Variants in EBF2 observed in about 807,000 individuals in gnomAD.
EBF2 encodes EBF transcription factor 2.
A neutral mutation model predicts 72.8 loss-of-function variants in EBF2; 21 were observed. The ratio of observed to expected loss-of-function variants is 0.29; its 90% CI spans 0.20 to 0.42. EBF2 has a LOEUF of 0.42. Among genes scored for constraint, EBF2 ranks in the 10% least tolerant of loss-of-function variants. The pLI is 1.00. For missense variants in EBF2, 637 were observed against 731.2 expected (o/e 0.87, Z 1.49); for synonymous variants, 299 against 274.2 (o/e 1.09, Z -0.89).
chr8:26,040,389 C>A (rs1249210441), intron 4 of EBF2, among the ~76,000 whole-genome samples: 1 of 151,992 alleles, frequency 6.6e-6, no homozygotes, highest in Non-Finnish European at 1.5e-5. Flanking sequence ...CCTCTTACTG[C>A]CCCCAGGGTT....
At chr8:25,975,137 A>G (rs947946290) in intron 6 of EBF2, among the ~76,000 whole-genome samples, 4 of 152,176 alleles carry the variant, frequency 2.6e-5, no homozygotes, top group Non-Finnish European at 4.4e-5. Context: ...GAAACTTCAC[A>G]TCCTGGCCTC....
In EBF2 at chr8:26,005,269, ATATATATAATTATATAAT is replaced by A. The variant is rs1563205495; in HGVS notation, c.551+27798_551+27815del. 3.1e-3 allele frequency among the ~76,000 whole-genome samples: 9 copies of A among 2,902 alleles called. 1 individual carries two copies. The highest frequency in any genetic ancestry group is 9.4e-3 in the Admixed American group (1 of 106). 1.9% of individuals were successfully genotyped at this position (2,902 alleles called of 152,430 possible). ...TACATTTTATTATATATAATATATAATATATATAATTATATAATTATATAATTATATATAATTATATAT... is the reference window on the plus strand; with the variant it reads ...TACATTTTATTATATATAATATATAATATATAATTATATATAATTATATAT... On this transcript the variant is annotated intron_variant, in intron 6 of 15. Coordinates refer to ENST00000520164, the MANE Select transcript of EBF2 (RefSeq NM_022659.4).
At chr8:25,899,499 A>G (rs1195456770) in intron 7 of EBF2, among the ~76,000 whole-genome samples, 1 of 152,188 alleles carries the variant, frequency 6.6e-6, no homozygotes, top group African/African-American at 2.4e-5. Context: ...AGCTGTATTA[A>G]ATTTTTACCA....
At chr8:25,905,043 T>C (rs772616824) in intron 7 of EBF2, among the ~76,000 whole-genome samples, 5 of 152,142 alleles carry the variant, frequency 3.3e-5, no homozygotes, top group African/African-American at 7.2e-5. Flanking sequence ...AGGATTTAAA[T>C]AGACACTTCC....
chr8:25,970,598 G>A (rs1044492214), intron 6 of EBF2, among the ~76,000 whole-genome samples: 1 of 151,910 alleles, frequency 6.6e-6, no homozygotes, highest in East Asian at 1.9e-4. Context: ...TATGTTATTC[G>A]GTTGCATGAC....
intron 6 of EBF2, among the ~76,000 whole-genome samples, chr8:25,938,599 A>G (rs1052579919): frequency 6.6e-6 from 1 of 152,172 alleles, no homozygotes; most frequent in African/African-American, 2.4e-5. Flanking sequence ...CCTTAATGAA[A>G]GGCATAATTC....
At chr8:26,043,932 C>G (rs2117270258) in intron 1 of EBF2, among the ~76,000 whole-genome samples, 1 of 152,260 alleles carries the variant, frequency 6.6e-6, no homozygotes, top group East Asian at 1.9e-4. Context: ...TATCCCAGCA[C>G]GCAGACGCCT....
intron 5 of EBF2, among the ~76,000 whole-genome samples, chr8:26,038,939 G>A (rs1391703785): frequency 5.3e-5 from 8 of 152,318 alleles, no homozygotes; most frequent in African/African-American, 1.9e-4. Flanking sequence ...ATTACCCAAA[G>A]CTAGTAAGTC....
At position 25,889,856 on chromosome 8, in the gene EBF2, G is replaced by T. The variant is rs374534239; in HGVS notation, c.647C>A (p.Thr216Lys). 1.5e-5 allele frequency: 25 copies of T among 1,613,724 alleles called. No individual in the cohort carries two copies. The highest frequency in any genetic ancestry group is 2.0e-5 in the Non-Finnish European group (24 of 1,179,806). ...DMRRFQVVLSTTVNVDGHVLA... is the reference protein window; with the variant it reads ...DMRRFQVVLSKTVNVDGHVLA... ...GACGTGTCCATCCACATTCACCGTTGTTGACAACACAACCTGCATATTTAA... is the reference window on the plus strand; with the variant it reads ...GACGTGTCCATCCACATTCACCGTTTTTGACAACACAACCTGCATATTTAA... Residue 216 changes from threonine (T) to lysine (K), a missense_variant, in exon 8 of 16, where the codon ACA becomes AAA. Thr to Lys is a moderately conservative substitution (Grantham distance 78). Around this residue, in one of 3 missense-constraint regions of EBF2, gnomAD observed 204 missense variants for 301.2 expected, o/e 0.68. Transcript: ENST00000520164.
chr8:25,891,294 C>T (rs985265937), intron 7 of EBF2, among the ~76,000 whole-genome samples: 15 of 151,974 alleles, frequency 9.9e-5, no homozygotes, highest in Admixed American at 7.2e-4. Context: ...GAGCTCCCAC[C>T]GAATCACTTG....
intron 7 of EBF2, among the ~76,000 whole-genome samples, chr8:25,904,317 TA>T (rs1408755724): frequency 1.3e-5 from 2 of 151,786 alleles, no homozygotes; most frequent in Non-Finnish European, 2.9e-5. Flanking sequence ...CTATAATACT[TA>T]GGACTTGAAT....
intron 6 of EBF2, among the ~76,000 whole-genome samples, chr8:26,000,616 C>T (rs949012721): frequency 3.9e-5 from 6 of 152,160 alleles, no homozygotes; most frequent in Non-Finnish European, 5.9e-5. Context: ...TGTGCATCCT[C>T]GCAAGTCCTG....
chr8:25,938,294 A>G (rs539559555), intron 6 of EBF2, among the ~76,000 whole-genome samples: 24 of 150,370 alleles, frequency 1.6e-4, no homozygotes, highest in Non-Finnish European at 3.4e-4. Flanking sequence ...ATCTTGAGGT[A>G]TTATTTTTCA....
intron 6 of EBF2, among the ~76,000 whole-genome samples, chr8:26,004,839 G>A (rs58293411): frequency 0.23 from 34,639 of 151,722 alleles, 4,377 homozygotes; most frequent in Non-Finnish European, 0.28. Context: ...TGGTGACTTC[G>A]TAACCAGGGC....
At chr8:25,973,982 C>G (rs890460990) in intron 6 of EBF2, among the ~76,000 whole-genome samples, 1 of 152,168 alleles carries the variant, frequency 6.6e-6, no homozygotes, top group African/African-American at 2.4e-5. Context: ...CCAGCCTAAG[C>G]TTTTCATTTC....
chr8:25,995,304 C>T (rs1804607272), intron 6 of EBF2, among the ~76,000 whole-genome samples: 1 of 151,862 alleles, frequency 6.6e-6, no homozygotes, highest in Non-Finnish European at 1.5e-5. Context: ...GAAACTCTGC[C>T]TCAAAAAATA....
intron 6 of EBF2, among the ~76,000 whole-genome samples, chr8:26,025,952 G>A (rs1047726303): frequency 6.6e-6 from 1 of 152,152 alleles, no homozygotes; most frequent in African/African-American, 2.4e-5. Flanking sequence ...TAGTAGGATA[G>A]TTTGAGGCCA....
chr8:25,898,463 A>AAAC (rs1207604097), intron 7 of EBF2, among the ~76,000 whole-genome samples: 1 of 151,410 alleles, frequency 6.6e-6, no homozygotes, highest in African/African-American at 2.4e-5. Flanking sequence ...AAAAAAAAAA[A>AAAC]CCAGCTTTTC....
rs1805680564 is a variant in EBF2, at chr8:26,045,038, G to C, written c.-179C>G. 3.1e-6 allele frequency: 2 copies of C among 652,866 alleles called. No homozygotes were observed. The highest frequency in any genetic ancestry group is 5.9e-5 in the East Asian group (2 of 34,010). The allele number at this position is 652,866 out of a possible 1,614,324, so 40.4% of individuals were successfully genotyped here. A position where few individuals can be genotyped will look rare whatever the true frequency, so the allele number is the denominator to read the frequency against. Reference sequence around the variant, plus strand: ...AACCCGTCCTTTGCTTCACTGGCGAGGTGCGGACTGATGTAGTCAAAGTTT... The same window carrying C: ...AACCCGTCCTTTGCTTCACTGGCGACGTGCGGACTGATGTAGTCAAAGTTT... On this transcript the variant is annotated 5_prime_UTR_variant, in exon 1 of 16. Coordinates refer to ENST00000520164, the MANE Select transcript of EBF2 (RefSeq NM_022659.4).
Sources: gnomAD v4.1 joint callset for allele counts (sites outside exome capture counted in the v4.1 genomes callset) on GRCh38, gnomAD v4.1.1 for gene constraint, gnomAD v4.1.1 regional missense constraint, MANE v1.5 for transcripts, NCBI Gene and HGNC (gene_info 2026-07-23, HGNC 2026-07-21) for gene names.